Variants in SFT2D2 observed in about 807,000 individuals in gnomAD.
SFT2D2 encodes SFT2 domain containing 2, also known as vesicle transport protein SFT2B.
SFT2D2 carries 21 observed loss-of-function variants against 27.4 expected under a neutral mutation model. The observed-to-expected ratio is 0.77, with a 90% CI of 0.54 to 1.10. The LOEUF is 1.10. SFT2D2 is among the 50% of genes least tolerant of loss of function. The probability of loss-of-function intolerance (pLI) is 0.00; values close to 1 mark genes in which losing one functional copy is unlikely to be tolerated. For missense variants in SFT2D2, 187 were observed against 194.2 expected (o/e 0.96, Z 0.22); for synonymous variants, 72 against 71.7 (o/e 1.00, Z -0.02).
rs1439894394 is a variant in SFT2D2, at chr1:168,248,994, TC to T, written c.*6455del. On this transcript the variant is annotated 3_prime_UTR_variant, in exon 8 of 8. Coordinates refer to ENST00000271375, the MANE Select transcript of SFT2D2 (RefSeq NM_199344.3). ...TCTTCTCTCTTTTCTTCTTTATTAG[TC>T]TGGCTAGCAGTCTATCTATTTTGTT... 6.6e-6 allele frequency: 1 copy of T among 152,210 alleles called. No homozygotes were observed. Among genetic ancestry groups the T allele is most frequent in the African/African-American group, 2.4e-5 (1 of 41,452 alleles). The allele number at this position is 152,210 out of a possible 1,614,324, so 9.4% of individuals were successfully genotyped here.
intron 1 of SFT2D2, among the ~76,000 whole-genome samples, chr1:168,226,639 G>A (rs1283955560): frequency 6.6e-6 from 1 of 152,080 alleles, no homozygotes; most frequent in East Asian, 1.9e-4. Flanking sequence ...TAGGTTGTAG[G>A]GTGTGACACT....
At chr1:168,241,632 T>A (rs1647645163) in intron 7 of SFT2D2, among the ~76,000 whole-genome samples, 1 of 152,170 alleles carries the variant, frequency 6.6e-6, no homozygotes, top group Non-Finnish European at 1.5e-5. Context: ...GGTTCCTCTT[T>A]GCCTGGCTTG....
Position 168,242,720 on chromosome 1 carries a change from T to C in SFT2D2, c.*180T>C. On this transcript the variant is annotated 3_prime_UTR_variant, in exon 8 of 8. Transcript: ENST00000271375. ...GGAAGCAACAATACATTCTCGAACC[T>C]GAATGTCAGTAGCACAGGATGAGAA... 2 of 682,578 alleles carry C rather than the reference T, an allele frequency of 2.9e-6. No homozygotes were observed. The highest frequency in any genetic ancestry group is 5.2e-6 in the Non-Finnish European group (2 of 387,420). The allele number at this position is 682,578 out of a possible 1,614,324, so 42.3% of individuals were successfully genotyped here.
At chr1:168,236,342 T>C (rs927403783) in intron 4 of SFT2D2, among the ~76,000 whole-genome samples, 15 of 152,218 alleles carry the variant, frequency 9.9e-5, no homozygotes, top group African/African-American at 3.6e-4. Context: ...ATGTGATTTG[T>C]TTGCTGGGCA....
Position 168,246,372 on chromosome 1 carries a change from G to A in SFT2D2, c.*3832G>A, listed in dbSNP as rs1420956746. On this transcript the variant is annotated 3_prime_UTR_variant, in exon 8 of 8. Transcript: ENST00000271375. ...TTGACATAATCTTACTTGCTTTTCTGTGCATTTTTCTACTTTATCTTGGCC... is the reference window on the plus strand; with the variant it reads ...TTGACATAATCTTACTTGCTTTTCTATGCATTTTTCTACTTTATCTTGGCC... The A allele has an allele frequency of 3.5e-6, 2 of 563,416 alleles. No individual in the cohort carries two copies. Among genetic ancestry groups the A allele is most frequent in the African/African-American group, 3.8e-5 (2 of 52,250 alleles). The allele number at this position is 563,416 out of a possible 1,614,324, so 34.9% of individuals were successfully genotyped here. A position where few individuals can be genotyped will look rare whatever the true frequency, so the allele number is the denominator to read the frequency against.
chr1:168,231,961 T>TG, intron 3 of SFT2D2, 42 bp downstream of exon 3: 1 of 1,554,102 alleles, frequency 6.4e-7, no homozygotes, highest in Non-Finnish European at 8.9e-7. Context: ...AATCATTAGA[T>TG]GGGAAAATGG....
At chr1:168,230,815 C>T (rs1289916542) in intron 1 of SFT2D2, among the ~76,000 whole-genome samples, 1 of 152,166 alleles carries the variant, frequency 6.6e-6, no homozygotes, top group Admixed American at 6.5e-5. Flanking sequence ...CTGGGAGCTA[C>T]TCACAGGCTC....
Position 168,235,083 on chromosome 1 carries a change from C to A in SFT2D2, c.237-18C>A. On this transcript the variant is annotated intron_variant, in intron 3 of 7. Transcript: ENST00000271375. ...AGTTCTGTTCTGAACGGCTTGTGTG[C>A]GTGTGTTTGCCTTTTAGTACCATCT... 6.2e-7 allele frequency: 1 copy of A among 1,612,384 alleles called. No individual in the cohort carries two copies.
At position 168,231,750 on chromosome 1, in the gene SFT2D2, T is replaced by C. The variant is rs535379482; in HGVS notation, c.151-84T>C. The C allele has an allele frequency of 8.8e-6, 13 of 1,477,548 alleles. No homozygotes were observed. In the East Asian group the frequency reaches 2.3e-4, roughly 26 times the overall value. The allele number at this position is 1,477,548 out of a possible 1,614,324, so 91.5% of individuals were successfully genotyped here. On this transcript the variant is annotated intron_variant, in intron 2 of 7. Coordinates refer to ENST00000271375, the MANE Select transcript of SFT2D2 (RefSeq NM_199344.3). The stretch of plus-strand genomic sequence containing the variant: ...AAGGGAGGTGGGGAGGGAAACGGAC[T>C]CCTCAGGGCTTCCTCTGGGAGCTCT...
Position 168,231,928 on chromosome 1 carries a change from T to G in SFT2D2, c.236+9T>G, listed in dbSNP as rs746582380. On this transcript the variant is annotated intron_variant, in intron 3 of 7. Coordinates refer to ENST00000271375, the MANE Select transcript of SFT2D2 (RefSeq NM_199344.3). Reference sequence around the variant, plus strand: ...ATCGCATCAATTGGGAGGTAACTGTTTTTTAAAAATCCAATTTTAGCCAAT... The same window carrying G: ...ATCGCATCAATTGGGAGGTAACTGTGTTTTAAAAATCCAATTTTAGCCAAT... The G allele has an allele frequency of 6.2e-7, 1 of 1,613,292 alleles. No homozygotes were observed. The highest frequency in any genetic ancestry group is 8.5e-7 in the Non-Finnish European group (1 of 1,179,262).
In SFT2D2 at chr1:168,242,646, T is replaced by A; in HGVS notation, c.*106T>A. Reference sequence around the variant, plus strand: ...CTGTCTTACAGACATGTGCCTTTTATCTTGCAGCAATGTGTTGCTTGTGAT... The same window carrying A: ...CTGTCTTACAGACATGTGCCTTTTAACTTGCAGCAATGTGTTGCTTGTGAT... On this transcript the variant is annotated 3_prime_UTR_variant, in exon 8 of 8. Coordinates refer to ENST00000271375, the MANE Select transcript of SFT2D2 (RefSeq NM_199344.3). 7.4e-7 allele frequency: 1 copy of A among 1,347,858 alleles called. No homozygotes were observed. The highest frequency in any genetic ancestry group is 1.1e-6 in the Non-Finnish European group (1 of 938,972). 83.5% of individuals were successfully genotyped at this position (1,347,858 alleles called of 1,614,324 possible).
At chr1:168,230,925 G>GTAAT (rs1647254997) in intron 1 of SFT2D2, among the ~76,000 whole-genome samples, 1 of 152,204 alleles carries the variant, frequency 6.6e-6, no homozygotes. Context: ...TAACAGGACA[G>GTAAT]TAATTAATTA....
intron 5 of SFT2D2, 21 bp downstream of exon 5, chr1:168,236,645 T>C (rs1647511194): frequency 6.2e-7 from 1 of 1,613,822 alleles, no homozygotes; most frequent in African/African-American, 1.3e-5. Context: ...ATTTTAATTT[T>C]TCTTAACCAT....
chr1:168,241,391 C>T (rs1647640945), intron 7 of SFT2D2, among the ~76,000 whole-genome samples: 1 of 151,722 alleles, frequency 6.6e-6, no homozygotes, highest in Non-Finnish European at 1.5e-5. Context: ...TGGGGTTTCA[C>T]CGTGTTGGCC....
chr1:168,240,523 A>G (rs1647617931), intron 7 of SFT2D2, among the ~76,000 whole-genome samples: 1 of 152,142 alleles, frequency 6.6e-6, no homozygotes, highest in Non-Finnish European at 1.5e-5. Flanking sequence ...ATCCAATGAG[A>G]TATTGATCAA....
At chr1:168,238,237 G>A (rs1647556755) in intron 6 of SFT2D2, among the ~76,000 whole-genome samples, 1 of 152,034 alleles carries the variant, frequency 6.6e-6, no homozygotes, top group Admixed American at 6.6e-5. Flanking sequence ...TAGAGTAGTT[G>A]GTAGCATTTT....
At chr1:168,235,862 G>A (rs767510820) in intron 4 of SFT2D2, among the ~76,000 whole-genome samples, 19 of 152,082 alleles carry the variant, frequency 1.2e-4, no homozygotes, top group Non-Finnish European at 1.6e-4. Flanking sequence ...TTTATTTTTA[G>A]TTTCATTTAT....
chr1:168,246,662 G>T lies in SFT2D2; in HGVS notation c.*4122G>T. On this transcript the variant is annotated 3_prime_UTR_variant, in exon 8 of 8. Transcript: ENST00000271375. ...TGGTCTCTTTCTGTTGAGTGACTTT[G>T]ATCATGATCATGTAGAGCAACATTC... 1 of 1,267,094 alleles carries T rather than the reference G, an allele frequency of 7.9e-7. No individual in the cohort carries two copies. The highest frequency in any genetic ancestry group is 1.1e-6 in the Non-Finnish European group (1 of 884,468). The allele number at this position is 1,267,094 out of a possible 1,614,324, so 78.5% of individuals were successfully genotyped here. A position where few individuals can be genotyped will look rare whatever the true frequency, so the allele number is the denominator to read the frequency against.
Position 168,252,377 on chromosome 1 carries a change from A to G in SFT2D2, c.*9837A>G, listed in dbSNP as rs1015614259. ...CCTTGTGAGGCATCCTTAAAGGACA[A>G]ATTGCAGCTGGTATTTGGGTGAATG... On this transcript the variant is annotated 3_prime_UTR_variant, in exon 8 of 8. Transcript: ENST00000271375. The G allele has an allele frequency of 6.6e-6, 1 of 152,164 alleles. No homozygotes were observed. Among genetic ancestry groups the G allele is most frequent in the African/African-American group, 2.4e-5 (1 of 41,446 alleles). The allele number at this position is 152,164 out of a possible 1,614,324, so 9.4% of individuals were successfully genotyped here. A position where few individuals can be genotyped will look rare whatever the true frequency, so the allele number is the denominator to read the frequency against.
Sources: allele counts gnomAD v4.1 joint callset (sites outside exome capture counted in the v4.1 genomes callset), GRCh38; gene constraint gnomAD v4.1.1; transcripts MANE v1.5; gene names NCBI Gene and HGNC (gene_info 2026-07-23, HGNC 2026-07-21).